Variants in PPP3R1 observed in about 807,000 individuals in gnomAD.
The protein encoded by PPP3R1 is protein phosphatase 3 regulatory subunit B, alpha, also known as calcineurin subunit B type 1.
A neutral mutation model predicts 22.6 loss-of-function variants in PPP3R1; 5 were observed. The observed-to-expected ratio is 0.22, with a 90% CI of 0.12 to 0.46. The LOEUF (loss-of-function observed/expected upper bound fraction) is 0.46, where lower values mean the gene tolerates loss of function less well. Ranked by LOEUF, PPP3R1 falls within the 20% of genes least tolerant of loss-of-function variation. The pLI is 0.99. For synonymous variants in PPP3R1, 56 were observed against 65.2 expected (o/e 0.86, Z 0.68); for missense variants, 61 against 203.2 (o/e 0.30, Z 4.25).
At chr2:68,232,975 T>C (rs558565822) in intron 1 of PPP3R1, among the ~76,000 whole-genome samples, 1 of 152,292 alleles carries the variant, frequency 6.6e-6, no homozygotes, top group South Asian at 2.1e-4. Context: ...CAGGCTACTA[T>C]CTACTATAAT....
chr2:68,250,341 T>G (rs534302006), intron 1 of PPP3R1, among the ~76,000 whole-genome samples: 1 of 152,256 alleles, frequency 6.6e-6, no homozygotes, highest in African/African-American at 2.4e-5. Flanking sequence ...CCAGTTTCAG[T>G]CTGTTGTTCA....
At chr2:68,250,279 GA>G (rs1221061120) in intron 1 of PPP3R1, among the ~76,000 whole-genome samples, 1 of 152,078 alleles carries the variant, frequency 6.6e-6, no homozygotes, top group Non-Finnish European at 1.5e-5. Context: ...TAAAAGACAA[GA>G]AAACAGAGTT....
chr2:68,190,598 T>A (rs1236521221), intron 2 of PPP3R1, among the ~76,000 whole-genome samples: 1 of 151,932 alleles, frequency 6.6e-6, no homozygotes, highest in Non-Finnish European at 1.5e-5. Context: ...CCTCAATATA[T>A]GAAGACCTTA....
chr2:68,220,343 A>C (rs908571476), intron 1 of PPP3R1, among the ~76,000 whole-genome samples: 5 of 152,240 alleles, frequency 3.3e-5, no homozygotes, highest in Non-Finnish European at 5.9e-5. Context: ...CAGTCTCTGC[A>C]TAAGTTTGAG....
chr2:68,184,098 G>C (rs1674478879), intron 5 of PPP3R1, among the ~76,000 whole-genome samples: 1 of 152,158 alleles, frequency 6.6e-6, no homozygotes, highest in South Asian at 2.1e-4. Flanking sequence ...TCCCAGCCTA[G>C]AGACTCTCCC....
At chr2:68,230,889 G>A (rs757926917) in intron 1 of PPP3R1, among the ~76,000 whole-genome samples, 7 of 152,178 alleles carry the variant, frequency 4.6e-5, no homozygotes, top group Non-Finnish European at 7.3e-5. Context: ...TACATGAAGT[G>A]TAATTTCTCT....
At chr2:68,191,312 T>G (rs1454560807) in intron 2 of PPP3R1, among the ~76,000 whole-genome samples, 1 of 152,212 alleles carries the variant, frequency 6.6e-6, no homozygotes, top group Admixed American at 6.5e-5. Context: ...GTACAGCATC[T>G]TACTGTACTG....
chr2:68,224,754 AACAC>A (rs200622446), intron 1 of PPP3R1, among the ~76,000 whole-genome samples: 1 of 152,062 alleles, frequency 6.6e-6, no homozygotes, highest in African/African-American at 2.4e-5. Flanking sequence ...GAATAAAGTA[AACAC>A]ACACACACAA....
At chr2:68,198,461 A>G (rs1674881303) in intron 2 of PPP3R1, among the ~76,000 whole-genome samples, 2 of 149,634 alleles carry the variant, frequency 1.3e-5, no homozygotes, top group African/African-American at 4.9e-5. Flanking sequence ...ATACATATAT[A>G]CGTATATATG....
intron 1 of PPP3R1, among the ~76,000 whole-genome samples, chr2:68,218,789 G>T (rs1315687243): frequency 6.6e-6 from 1 of 150,670 alleles, no homozygotes; most frequent in East Asian, 2.0e-4. Flanking sequence ...AAAGTGTTAT[G>T]TGGTGGTTTC....
intron 2 of PPP3R1, among the ~76,000 whole-genome samples, chr2:68,204,686 A>T (rs1163264545): frequency 6.6e-6 from 1 of 152,248 alleles, no homozygotes; most frequent in Non-Finnish European, 1.5e-5. Context: ...AATTCCTGGG[A>T]CATGGTAAGC....
chr2:68,205,242 C>CTTTTTT (rs397984912), intron 2 of PPP3R1, among the ~76,000 whole-genome samples: 4 of 123,484 alleles, frequency 3.2e-5, no homozygotes, highest in East Asian at 2.3e-4. Flanking sequence ...TCAGTATTAT[C>CTTTTTT]TTTTTTTTTT....
chr2:68,196,798 C>T (rs1674785359), intron 2 of PPP3R1, among the ~76,000 whole-genome samples: 1 of 152,092 alleles, frequency 6.6e-6, no homozygotes, highest in Non-Finnish European at 1.5e-5. Context: ...GATCTCAGCT[C>T]ACTGTAACCT....
chr2:68,246,814 G>A (rs1264282711), intron 1 of PPP3R1, among the ~76,000 whole-genome samples: 1 of 152,148 alleles, frequency 6.6e-6, no homozygotes, highest in Admixed American at 6.5e-5. Context: ...CAGTTTCACG[G>A]CTTCAACTAC....
chr2:68,180,949 C>T lies in PPP3R1; in HGVS notation c.*14G>A. 2 of 1,609,726 alleles carry T rather than the reference C, an allele frequency of 1.2e-6. No individual in the cohort carries two copies. Among genetic ancestry groups the T allele is most frequent in the Non-Finnish European group, 1.7e-6 (2 of 1,176,192 alleles). On this transcript the variant is annotated 3_prime_UTR_variant, in exon 6 of 6. Transcript: ENST00000234310. ...AAGAAAGCAAAAGTGTTGGGTGGTA[C>T]TCTCTGATAAGAGTCACACATCTAC... is the stretch of plus-strand genomic sequence containing the variant.
intron 2 of PPP3R1, among the ~76,000 whole-genome samples, chr2:68,198,360 T>G (rs1674869939): frequency 1.1e-5 from 1 of 90,334 alleles, no homozygotes; most frequent in Admixed American, 1.1e-4. Context: ...TGCATATATA[T>G]GTACATATAT....
chr2:68,199,291 T>C (rs922305944), intron 2 of PPP3R1, among the ~76,000 whole-genome samples: 1 of 152,186 alleles, frequency 6.6e-6, no homozygotes, highest in African/African-American at 2.4e-5. Context: ...TCTTTACTAT[T>C]ATATAGAAAT....
At chr2:68,229,946 ATATG>A (rs1204787881) in intron 1 of PPP3R1, among the ~76,000 whole-genome samples, 7 of 146,938 alleles carry the variant, frequency 4.8e-5, no homozygotes, top group South Asian at 2.2e-4. Context: ...ATGTGTGTAT[ATATG>A]TGTGTGTGTA....
intron 2 of PPP3R1, among the ~76,000 whole-genome samples, chr2:68,209,971 G>C (rs1558634743): frequency 6.6e-6 from 1 of 152,058 alleles, no homozygotes; most frequent in African/African-American, 2.4e-5. Context: ...CAAGTGTTTT[G>C]GGGGAAAAAA....
Sources: allele counts gnomAD v4.1 joint callset (sites outside exome capture counted in the v4.1 genomes callset), GRCh38; gene constraint gnomAD v4.1.1; transcripts MANE v1.5; gene names NCBI Gene and HGNC (gene_info 2026-07-23, HGNC 2026-07-21).